Variants in MYSM1 observed in about 807,000 individuals in gnomAD.
The protein encoded by MYSM1 is deubiquitinase MYSM1.
Under a neutral mutation model 116.0 loss-of-function variants are expected in MYSM1, and 51 were observed. The ratio of observed to expected loss-of-function variants is 0.44; its 90% CI spans 0.35 to 0.56. The LOEUF is 0.56. Ranked by LOEUF, MYSM1 falls within the 20% of genes least tolerant of loss-of-function variation. The pLI is 0.00. For missense variants in MYSM1, 900 were observed against 974.9 expected (o/e 0.92, Z 1.02); for synonymous variants, 313 against 315.2 (o/e 0.99, Z 0.07).
At chr1:58,688,215 T>A (rs967294530) in intron 6 of MYSM1, among the ~76,000 whole-genome samples, 7 of 152,106 alleles carry the variant, frequency 4.6e-5, no homozygotes, top group African/African-American at 9.6e-5. Context: ...CTCATGGTGT[T>A]GACTAAAATA....
At chr1:58,689,168 A>G (rs1569791843) in intron 5 of MYSM1, 52 bp from the exon 6 acceptor site, 1 of 1,373,604 alleles carries the variant, frequency 7.3e-7, no homozygotes, top group African/African-American at 1.5e-5. Context: ...GGAACATTCC[A>G]TATTTATGTA....
Position 58,671,862 on chromosome 1 carries a change from C to T in MYSM1, c.1661+8G>A. On this transcript the variant is annotated splice_region_variant and intron_variant, in intron 12 of 19. Coordinates refer to ENST00000472487, the MANE Select transcript of MYSM1 (RefSeq NM_001085487.3). ...ATGTTTAAAAACCACATTTATATAA[C>T]ACTACACCTTTTTGTTGGTCTTGGC... The T allele has an allele frequency of 6.2e-7, 1 of 1,608,036 alleles. No individual in the cohort carries two copies. Among genetic ancestry groups the T allele is most frequent in the South Asian group, 1.1e-5 (1 of 90,588 alleles).
chr1:58,682,929 T>C (rs1043338586), intron 7 of MYSM1, among the ~76,000 whole-genome samples: 2 of 152,136 alleles, frequency 1.3e-5, no homozygotes, highest in African/African-American at 4.8e-5. Context: ...TCTCCTGACC[T>C]TGTGATGCAC....
At chr1:58,682,651 T>A (rs888290183) in intron 7 of MYSM1, 106 bp from the exon 8 acceptor site, 49 of 1,063,328 alleles carry the variant, frequency 4.6e-5, no homozygotes, top group Non-Finnish European at 6.2e-5. Context: ...ACTGAATACA[T>A]GTAAATGGTA....
intron 6 of MYSM1, among the ~76,000 whole-genome samples, chr1:58,687,978 A>C (rs1198754773): frequency 6.6e-6 from 1 of 152,010 alleles, no homozygotes; most frequent in Non-Finnish European, 1.5e-5. Context: ...CCTCCTCTTT[A>C]AGACCTAACA....
Position 58,667,067 on chromosome 1 carries a change from G to C in MYSM1, c.2002C>G (p.Arg668Gly). ...TATTTAGCTTGTGTGTCAATATCTC[G>C]TAAGGAAGGATTAGGATCAAAAGCA... ...HPAFDPNPSL[R>G]DIDTQAKYQS... The change falls in exon 16 of 20, where the codon CGA becomes GGA. Residue 668 changes from arginine to glycine, a missense_variant. By Grantham distance (125) the Arg-to-Gly change is moderately radical. Transcript: ENST00000472487. 6.2e-7 allele frequency: 1 copy of C among 1,611,552 alleles called. No individual in the cohort carries two copies. Among genetic ancestry groups the C allele is most frequent in the Non-Finnish European group, 8.5e-7 (1 of 1,178,486 alleles).
chr1:58,692,006 A>G (rs1030043975), intron 3 of MYSM1, among the ~76,000 whole-genome samples: 1 of 152,194 alleles, frequency 6.6e-6, no homozygotes, highest in Non-Finnish European at 1.5e-5. Context: ...TATATAGTTA[A>G]AATTAATTTC....
At chr1:58,690,567 A>T (rs985198629) in intron 3 of MYSM1, 150 bp from the exon 4 acceptor site, 1 of 542,354 alleles carries the variant, frequency 1.8e-6, no homozygotes, top group African/African-American at 2.0e-5. Context: ...TCCATGTTTA[A>T]ATCAAGCTTG....
chr1:58,686,215 GA>G (rs954385359), intron 6 of MYSM1, among the ~76,000 whole-genome samples: 57 of 145,954 alleles, frequency 3.9e-4, no homozygotes, highest in Non-Finnish European at 4.2e-4. Context: ...GCTGTGGAGG[GA>G]AAAAAAAAAA....
At chr1:58,668,026 G>A (rs1447933156) in intron 14 of MYSM1, 105 bp from the exon 15 acceptor site, 2 of 821,828 alleles carry the variant, frequency 2.4e-6, no homozygotes, top group East Asian at 4.9e-5. Context: ...TAGCCATCAT[G>A]CTTTTATAAA....
intron 8 of MYSM1, among the ~76,000 whole-genome samples, chr1:58,681,483 C>T (rs547336598): frequency 1.6e-4 from 24 of 152,314 alleles, no homozygotes; most frequent in Middle Eastern, 3.4e-3. Context: ...TTTCCCTTTT[C>T]CCGTGCAGTG....
At chr1:58,692,063 T>C (rs192949416) in intron 3 of MYSM1, among the ~76,000 whole-genome samples, 45 of 152,340 alleles carry the variant, frequency 3.0e-4, no homozygotes, top group Admixed American at 5.9e-4. Flanking sequence ...TATATGTGAC[T>C]TTCTCTGAAT....
intron 10 of MYSM1, 48 bp from the exon 11 acceptor site, chr1:58,673,698 G>GAAAT: frequency 6.9e-7 from 1 of 1,456,526 alleles, no homozygotes; most frequent in Non-Finnish European, 9.6e-7. Context: ...TTAATATGGA[G>GAAAT]AAATCATAGC....
chr1:58,665,768 G>A (rs970151647), intron 16 of MYSM1, 137 bp from the exon 17 acceptor site: 21 of 629,438 alleles, frequency 3.3e-5, no homozygotes, highest in Non-Finnish European at 5.3e-5. Flanking sequence ...CATCTGGCCC[G>A]GCACAGTGGC....
intron 5 of MYSM1, 74 bp from the exon 6 acceptor site, chr1:58,689,190 T>C (rs1644869793): frequency 1.8e-6 from 2 of 1,098,566 alleles, no homozygotes; most frequent in Admixed American, 2.5e-5. Context: ...CTAAAGGTTA[T>C]AGATAGCCAT....
At chr1:58,689,301 CGT>C (rs1330608576) in intron 5 of MYSM1, 185 bp from the exon 6 acceptor site, 1 of 526,778 alleles carries the variant, frequency 1.9e-6, no homozygotes, top group African/African-American at 2.0e-5. Context: ...TACCCTGTCA[CGT>C]GTCTCTAGCT....
At chr1:58,699,929 G>C in intron 1 of MYSM1, 56 bp downstream of exon 1, 2 of 1,608,888 alleles carry the variant, frequency 1.2e-6, no homozygotes, top group Non-Finnish European at 1.7e-6. Flanking sequence ...CCCAGGGCCC[G>C]CTCCTTCAAT....
chr1:58,668,816 A>G, intron 13 of MYSM1, 134 bp from the exon 14 acceptor site: 1 of 1,007,448 alleles, frequency 9.9e-7, no homozygotes, highest in Non-Finnish European at 1.5e-6. Context: ...CTCAGCACAA[A>G]CTAGACTTTT....
In MYSM1 at chr1:58,665,574, G is replaced by T. The variant is rs1156685917; in HGVS notation, c.2089C>A (p.Arg697=). ...FIGMIVSPYN[R]NNPLPYSQIT... is the part of the protein sequence containing the mutation. ...TGAGAATATGGTAAGGGATTATTTC[G>T]ATTATAGGGACTAACAATCATCCCA... The change falls in exon 17 of 20, where the codon CGA becomes AGA. Residue 697 remains arginine (R), a synonymous_variant. Coordinates refer to ENST00000472487, the MANE Select transcript of MYSM1 (RefSeq NM_001085487.3). 2.5e-6 allele frequency: 4 copies of T among 1,591,102 alleles called. No homozygotes were observed. The highest frequency in any genetic ancestry group is 3.5e-6 in the Non-Finnish European group (4 of 1,159,368).
Sources: gnomAD v4.1 joint callset for allele counts (sites outside exome capture counted in the v4.1 genomes callset) on GRCh38, gnomAD v4.1.1 for gene constraint, MANE v1.5 for transcripts, NCBI Gene and HGNC (gene_info 2026-07-23, HGNC 2026-07-21) for gene names.